The following DSCAM variants were observed in gnomAD, a reference collection of about 807,000 sequenced individuals.
DSCAM encodes the protein cell adhesion molecule DSCAM.
In DSCAM, 47 loss-of-function variants were observed where a neutral mutation model predicts 217.7. That is an observed-to-expected ratio of 0.22 (90% confidence interval 0.17 to 0.28). DSCAM has a LOEUF of 0.28. Ranked by LOEUF, DSCAM falls within the 10% of genes least tolerant of loss-of-function variation. DSCAM has a pLI of 1.00. For missense variants in DSCAM, 2,080 were observed against 2,618.3 expected, an observed-to-expected ratio of 0.79 and a Z score of 4.49; for synonymous variants, 1,056 against 1,015.3, an observed-to-expected ratio of 1.04 and a Z score of -0.76.
At position 40,019,946 on chromosome 21, in the gene DSCAM, C is replaced by G. The variant is rs757925639; in HGVS notation, c.5687-6560G>C. Among the ~76,000 whole-genome samples, 3 of 152,234 alleles carry G rather than the reference C, an allele frequency of 2.0e-5. No homozygotes were observed. The East Asian group carries it at 5.8e-4, about 29-fold the overall frequency. On this transcript the variant is annotated intron_variant, in intron 32 of 32. Transcript: ENST00000400454. ...CTTCCCCTTCTCCCTCCTTCTTTCC[C>G]TTCCTCCTGTCTCTTTATCTCTTTC... is the stretch of plus-strand genomic sequence containing the variant.
chr21:40,040,431 C>T (rs1000573877), intron 32 of DSCAM, among the ~76,000 whole-genome samples: 2 of 152,184 alleles, frequency 1.3e-5, no homozygotes, highest in Non-Finnish European at 2.9e-5. Context: ...ATAGGACAGT[C>T]TTTTAACCTA....
chr21:40,319,815 T>C (rs2074240406), intron 8 of DSCAM, among the ~76,000 whole-genome samples: 2 of 152,022 alleles, frequency 1.3e-5, no homozygotes, highest in African/African-American at 4.8e-5. Flanking sequence ...TCACTCAGAG[T>C]GGGCACCAAG....
chr21:40,117,732 T>A (rs1235499381), intron 20 of DSCAM, among the ~76,000 whole-genome samples: 2 of 152,172 alleles, frequency 1.3e-5, no homozygotes, highest in Non-Finnish European at 2.9e-5. Flanking sequence ...GTGCGAGTAC[T>A]TTCGTGGCGT....
intron 19 of DSCAM, among the ~76,000 whole-genome samples, chr21:40,131,640 G>A: frequency 6.6e-6 from 1 of 152,198 alleles, no homozygotes; most frequent in East Asian, 1.9e-4. Flanking sequence ...GGCCAGGCTG[G>A]TCTCGAACTC....
At chr21:40,330,682 C>T (rs556331387) in intron 8 of DSCAM, among the ~76,000 whole-genome samples, 5 of 152,068 alleles carry the variant, frequency 3.3e-5, no homozygotes, top group Admixed American at 2.6e-4. Flanking sequence ...AGAGCATAAA[C>T]CCCCAGGGTA....
At chr21:40,303,535 G>A (rs957569834) in intron 9 of DSCAM, among the ~76,000 whole-genome samples, 1 of 152,076 alleles carries the variant, frequency 6.6e-6, no homozygotes, top group Admixed American at 6.6e-5. Context: ...GTAGATAACT[G>A]ACATTGTTTG....
chr21:40,203,097 C>G (rs1480740248), intron 11 of DSCAM, among the ~76,000 whole-genome samples: 1 of 152,170 alleles, frequency 6.6e-6, no homozygotes, highest in Non-Finnish European at 1.5e-5. Flanking sequence ...ATGGCTTGTT[C>G]AAGATCACAC....
chr21:40,770,262 CTTCA>C (rs2123383446), intron 1 of DSCAM, among the ~76,000 whole-genome samples: 1 of 152,278 alleles, frequency 6.6e-6, no homozygotes, highest in East Asian at 1.9e-4. Context: ...TTTAGTTTCT[CTTCA>C]TTTTTATCAA....
chr21:40,653,597 G>A (rs1267599721), intron 3 of DSCAM, among the ~76,000 whole-genome samples: 1 of 152,146 alleles, frequency 6.6e-6, no homozygotes, highest in Non-Finnish European at 1.5e-5. Context: ...TTGGTCTGCT[G>A]AGATCCTTTA....
chr21:40,101,620 G>T (rs960711479), intron 20 of DSCAM, among the ~76,000 whole-genome samples: 1 of 152,152 alleles, frequency 6.6e-6, no homozygotes, highest in Non-Finnish European at 1.5e-5. Context: ...CTGCTCTACC[G>T]ATGTCATGTA....
At chr21:40,722,518 A>G (rs1170659694) in intron 1 of DSCAM, among the ~76,000 whole-genome samples, 2 of 152,182 alleles carry the variant, frequency 1.3e-5, no homozygotes, top group African/African-American at 4.8e-5. Context: ...AAAGCAAAAT[A>G]AAAACAAAAC....
chr21:40,060,792 G>A (rs2089105965), intron 28 of DSCAM, among the ~76,000 whole-genome samples: 2 of 152,094 alleles, frequency 1.3e-5, no homozygotes, highest in African/African-American at 4.8e-5. Context: ...CTTTTATTAG[G>A]TAGATCAGTT....
intron 3 of DSCAM, among the ~76,000 whole-genome samples, chr21:40,556,930 T>C (rs2076677198): frequency 6.6e-6 from 1 of 151,842 alleles, no homozygotes; most frequent in African/African-American, 2.4e-5. Flanking sequence ...TCTCATTGAG[T>C]AGGCTGAGGA....
intron 16 of DSCAM, among the ~76,000 whole-genome samples, chr21:40,153,817 A>G (rs1031535567): frequency 6.6e-6 from 1 of 152,204 alleles, no homozygotes; most frequent in African/African-American, 2.4e-5. Context: ...GGAGTCACTC[A>G]GTGATTTAGA....
At chr21:40,239,605 A>T (rs925882465) in intron 11 of DSCAM, among the ~76,000 whole-genome samples, 6 of 152,216 alleles carry the variant, frequency 3.9e-5, no homozygotes, top group African/African-American at 7.2e-5. Context: ...CTGGGAAGAT[A>T]TGATAAAGTA....
intron 1 of DSCAM, among the ~76,000 whole-genome samples, chr21:40,741,304 A>G (rs1453569161): frequency 6.6e-6 from 1 of 152,232 alleles, no homozygotes; most frequent in East Asian, 1.9e-4. Context: ...ATACAATTAT[A>G]TATTTAAAAT....
chr21:40,098,549 G>C (rs989043899), intron 20 of DSCAM, among the ~76,000 whole-genome samples: 2 of 152,206 alleles, frequency 1.3e-5, no homozygotes, highest in Admixed American at 1.3e-4. Context: ...CTGTCAATTA[G>C]AAGTGACCAA....
chr21:40,712,335 C>T (rs1032613307), intron 1 of DSCAM, among the ~76,000 whole-genome samples: 10 of 151,840 alleles, frequency 6.6e-5, no homozygotes, highest in South Asian at 4.2e-4. Context: ...CGGTGGCGGG[C>T]GCCTGTAGTC....
intron 8 of DSCAM, among the ~76,000 whole-genome samples, chr21:40,334,193 T>C (rs1409375472): frequency 6.6e-6 from 1 of 152,134 alleles, no homozygotes; most frequent in Non-Finnish European, 1.5e-5. Flanking sequence ...TATTCACTGA[T>C]GTCACCAGAT....
Sources: gnomAD v4.1 joint callset for allele counts (sites outside exome capture counted in the v4.1 genomes callset) on GRCh38, gnomAD v4.1.1 for gene constraint, MANE v1.5 for transcripts, NCBI Gene and HGNC (gene_info 2026-07-23, HGNC 2026-07-21) for gene names.